The following PI16 variants were observed in gnomAD, a reference collection of about 807,000 sequenced individuals.
PI16 encodes peptidase inhibitor 16.
In PI16, 35 loss-of-function variants were observed where a neutral mutation model predicts 38.0. That is an observed-to-expected ratio of 0.92 (90% confidence interval 0.70 to 1.22). The LOEUF is 1.22. Among genes scored for constraint, PI16 ranks in the 50% most tolerant of loss-of-function variants. The pLI is 0.00. For synonymous variants in PI16, 275 were observed against 252.9 expected (o/e 1.09, Z -0.83); for missense variants, 572 against 593.8 (o/e 0.96, Z 0.38).
intron 2 of PI16, among the ~76,000 whole-genome samples, chr6:36,959,867 CA>C (rs3997728): frequency 0.089 from 10,485 of 118,320 alleles, 1,185 homozygotes; most frequent in African/African-American, 0.3. Flanking sequence ...GGCCCTGTCT[CA>C]AAAAAAAAAA....
upstream of PI16, among the ~76,000 whole-genome samples, chr6:36,952,347 T>C (rs904648671): frequency 6.6e-6 from 1 of 152,226 alleles, no homozygotes; most frequent in Non-Finnish European, 1.5e-5. Flanking sequence ...TTGTTGCCTA[T>C]GCTTTTGGTG....
At chr6:36,958,006 T>C (rs1402218168) in intron 1 of PI16, among the ~76,000 whole-genome samples, 1 of 152,162 alleles carries the variant, frequency 6.6e-6, no homozygotes, top group African/African-American at 2.4e-5. Context: ...GGGACAAAAA[T>C]GTCCAGAGAG....
Position 36,955,036 on chromosome 6 carries a change from T to C in PI16, c.171+105T>C. 6 of 1,436,766 alleles carry C rather than the reference T, an allele frequency of 4.2e-6. No individual in the cohort carries two copies. The South Asian group carries it at 8.8e-5, about 21-fold the overall frequency. The allele number at this position is 1,436,766 out of a possible 1,614,324, so 89.0% of individuals were successfully genotyped here. A position where few individuals can be genotyped will look rare whatever the true frequency, so the allele number is the denominator to read the frequency against. On this transcript the variant is annotated intron_variant, in intron 1 of 6. Coordinates refer to ENST00000373674, the MANE Select transcript of PI16 (RefSeq NM_153370.3). ...TCCTCATGCTGAAGCTATTTCAGAA[T>C]TCCTCTCCTTTTTCTGGTCAGTGAC...
Position 36,962,270 on chromosome 6 carries a change from C to A in PI16, c.592+296C>A, listed in dbSNP as rs996173332. 6.6e-6 allele frequency among the ~76,000 whole-genome samples: 1 copy of A among 152,126 alleles called. No homozygotes were observed. Among genetic ancestry groups the A allele is most frequent in the Non-Finnish European group, 1.5e-5 (1 of 68,024 alleles). ...CGCCACACTTTAGGGTCTCGAGGAG[C>A]GGGCTGGGGCCAGACCGGTGGGCGT... On this transcript the variant is annotated intron_variant, in intron 4 of 6. Coordinates refer to ENST00000373674, the MANE Select transcript of PI16 (RefSeq NM_153370.3). The surrounding 1 kb of genome is among the most constrained non-coding windows in gnomAD (Gnocchi z 4.1).
chr6:36,953,829 A>G (rs192735605), upstream of PI16, among the ~76,000 whole-genome samples: 79 of 152,260 alleles, frequency 5.2e-4, no homozygotes, highest in African/African-American at 1.9e-3. Flanking sequence ...GCATCAGCTC[A>G]TTCAACCTTC....
At chr6:36,956,486 T>G (rs1387888165) in intron 1 of PI16, among the ~76,000 whole-genome samples, 2 of 152,066 alleles carry the variant, frequency 1.3e-5, no homozygotes, top group Non-Finnish European at 2.9e-5. Context: ...TGCTGCTGCC[T>G]AATGGGGAGT....
chr6:36,961,853 C>G, intron 3 of PI16, 33 bp from the exon 4 acceptor site: 1 of 1,572,166 alleles, frequency 6.4e-7, no homozygotes, highest in Non-Finnish European at 8.8e-7. Context: ...GGGGTCGACC[C>G]CCTCCCCGCA....
rs1396256373 is a variant in PI16 at position 36,963,869 on chromosome 6, G to A, written c.1317G>A (p.Ser439=). The A allele has an allele frequency of 4.3e-6, 7 of 1,613,404 alleles. No homozygotes were observed. Among genetic ancestry groups the A allele is most frequent in the South Asian group, 1.1e-5 (1 of 90,998 alleles). ...CTAGCGTCGTGTCAGGGCTGAACTC[G>A]GGCCCTGGTCATGTGTGGGGCCCTC... ...DKPSVVSGLN[S]GPGHVWGPLL... The change falls in exon 6 of 7, where the codon TCG becomes TCA. Residue 439 remains serine (S), a synonymous_variant. Coordinates refer to ENST00000373674, the MANE Select transcript of PI16 (RefSeq NM_153370.3).
rs1041862398 is a variant in PI16, at chr6:36,962,071, G to C, written c.592+97G>C. Reference sequence around the variant, plus strand: ...GCCTCCCTGGACTGAGCGGGACGTGGGCAGGGAAGGAGCCTGGTGGGATGC... The same window carrying C: ...GCCTCCCTGGACTGAGCGGGACGTGCGCAGGGAAGGAGCCTGGTGGGATGC... On this transcript the variant is annotated intron_variant, in intron 4 of 6. Coordinates refer to ENST00000373674, the MANE Select transcript of PI16 (RefSeq NM_153370.3). The surrounding 1 kb of genome is among the most constrained non-coding windows in gnomAD (Gnocchi z 4.1). 27 of 1,068,186 alleles carry C rather than the reference G, an allele frequency of 2.5e-5. No individual in the cohort carries two copies. In the Admixed American group the frequency reaches 4.8e-4, roughly 19 times the overall value. 66.2% of individuals were successfully genotyped at this position (1,068,186 alleles called of 1,614,324 possible). A position where few individuals can be genotyped will look rare whatever the true frequency, so the allele number is the denominator to read the frequency against.
intron 2 of PI16, among the ~76,000 whole-genome samples, chr6:36,960,683 G>T (rs9357232): frequency 7.3e-5 from 10 of 136,594 alleles, no homozygotes; most frequent in Non-Finnish European, 1.4e-4. Flanking sequence ...GCTCCTGCAG[G>T]GATTGTTATC....
intron 2 of PI16, among the ~76,000 whole-genome samples, chr6:36,960,643 C>G (rs1280570580): frequency 4.4e-5 from 5 of 112,808 alleles, no homozygotes; most frequent in Admixed American, 1.8e-4. Flanking sequence ...TCTCCCTCCA[C>G]CCCCCCCCTC....
upstream of PI16, chr6:36,954,578 A>C: frequency 1.2e-6 from 1 of 832,534 alleles, no homozygotes; most frequent in Non-Finnish European, 1.8e-6. Context: ...CTCCAAGGGG[A>C]GTGCACTTGA....
intron 1 of PI16, among the ~76,000 whole-genome samples, chr6:36,955,884 C>T (rs1049540855): frequency 6.6e-5 from 10 of 152,176 alleles, no homozygotes; most frequent in Admixed American, 6.5e-4. Flanking sequence ...CACCCACTTC[C>T]TGCCCTCCCT....
intron 1 of PI16, among the ~76,000 whole-genome samples, chr6:36,955,475 C>T (rs899691415): frequency 6.6e-6 from 1 of 152,120 alleles, no homozygotes; most frequent in African/African-American, 2.4e-5. Context: ...CTCTGGATCA[C>T]ACAGTCCAAA....
chr6:36,963,759 G>C, intron 5 of PI16, 64 bp from the exon 6 acceptor site: 2 of 1,534,458 alleles, frequency 1.3e-6, no homozygotes, highest in Non-Finnish European at 8.8e-7. Context: ...CTTGCATGGT[G>C]GGGTGGGCGG....
chr6:36,960,325 A>ATATG (rs758800895), intron 2 of PI16, among the ~76,000 whole-genome samples: 2 of 139,920 alleles, frequency 1.4e-5, no homozygotes, highest in Non-Finnish European at 3.1e-5. Flanking sequence ...TGCAGATAAG[A>ATATG]TGTGTGTGTG....
In PI16 at chr6:36,963,924, G is replaced by A. The variant is rs756439184; in HGVS notation, c.1372G>A (p.Val458Met). The part of the protein sequence containing the change: ...LLGLLLLPPL[V>M]LAGIF ...GGGACTACTGCTCCTGCCTCCTCTGGTGTTGGCTGGAATCTTCTGAAGGGG... is the reference window on the plus strand; with the variant it reads ...GGGACTACTGCTCCTGCCTCCTCTGATGTTGGCTGGAATCTTCTGAAGGGG... The change falls in exon 6 of 7, where the codon GTG becomes ATG. Residue 458 changes from valine (V) to methionine (M), a missense_variant. Transcript: ENST00000373674. 3 of 1,613,582 alleles carry A rather than the reference G, an allele frequency of 1.9e-6. No homozygotes were observed. In the Admixed American group the frequency reaches 5.0e-5, roughly 27 times the overall value.
Position 36,963,815 on chromosome 6 carries a change from T to C in PI16, c.1271-8T>C. ...CTAGGCTGAGGCAAAGCCTCTTTCT[T>C]CCCACAGGTGCAGAGGGCCCTGACA... is the stretch of plus-strand genomic sequence containing the variant. On this transcript the variant is annotated splice_polypyrimidine_tract_variant and splice_region_variant and intron_variant, in intron 5 of 6. Transcript: ENST00000373674. 1 of 1,577,150 alleles carries C rather than the reference T, an allele frequency of 6.3e-7. No homozygotes were observed. Among genetic ancestry groups the C allele is most frequent in the Non-Finnish European group, 8.6e-7 (1 of 1,164,734 alleles).
intron 1 of PI16, among the ~76,000 whole-genome samples, chr6:36,958,408 A>G (rs1200720678): frequency 1.3e-5 from 2 of 151,978 alleles, no homozygotes; most frequent in Non-Finnish European, 2.9e-5. Flanking sequence ...TCCCCCTCTC[A>G]CCATCTCACC....
Sources: gnomAD v4.1 joint callset for allele counts (sites outside exome capture counted in the v4.1 genomes callset) on GRCh38, gnomAD v4.1.1 for gene constraint, Gnocchi (gnomAD v3.1) non-coding constraint, MANE v1.5 for transcripts, NCBI Gene and HGNC (gene_info 2026-07-23, HGNC 2026-07-21) for gene names.